The following ADK variants were observed in gnomAD, a reference collection of about 807,000 sequenced individuals.
ADK encodes adenosine kinase, also known as N6,N6-dimethyladenosine kinase.
Under a neutral mutation model 44.7 loss-of-function variants are expected in ADK, and 24 were observed. The ratio of observed to expected loss-of-function variants is 0.54; its 90% CI spans 0.39 to 0.76. ADK has a LOEUF of 0.76. Among genes scored for constraint, ADK ranks in the 30% least tolerant of loss-of-function variants. The pLI is 0.00. For synonymous variants in ADK, 128 were observed against 142.6 expected, an observed-to-expected ratio of 0.90 and a Z score of 0.73; for missense variants, 321 against 425.1, an observed-to-expected ratio of 0.76 and a Z score of 2.15.
intron 6 of ADK, among the ~76,000 whole-genome samples, chr10:74,402,208 A>G (rs938613556): frequency 1.3e-5 from 2 of 152,016 alleles, no homozygotes; most frequent in African/African-American, 4.8e-5. Context: ...GAATCTGACA[A>G]TTATGTGTCT....
chr10:74,505,832 G>A (rs1309162309), intron 6 of ADK, among the ~76,000 whole-genome samples: 2 of 152,126 alleles, frequency 1.3e-5, no homozygotes, highest in African/African-American at 2.4e-5. Context: ...CTGAATTAGA[G>A]ATATTGTGTT....
chr10:74,462,982 C>G (rs1195459667), intron 6 of ADK, among the ~76,000 whole-genome samples: 1 of 152,068 alleles, frequency 6.6e-6, no homozygotes, highest in Admixed American at 6.6e-5. Context: ...AAGCCTGTCT[C>G]CTGGAATTCC....
intron 6 of ADK, among the ~76,000 whole-genome samples, chr10:74,425,973 G>A (rs1844781377): frequency 6.6e-6 from 1 of 152,200 alleles, no homozygotes; most frequent in Admixed American, 6.5e-5. Flanking sequence ...AATATAGAAA[G>A]AAATAGAAGT....
chr10:74,561,436 A>G (rs1850453726), intron 7 of ADK, among the ~76,000 whole-genome samples: 1 of 152,218 alleles, frequency 6.6e-6, no homozygotes, highest in Non-Finnish European at 1.5e-5. Context: ...GAAGATGATG[A>G]AGAATATGAA....
chr10:74,426,400 C>T (rs1428509718), intron 6 of ADK, among the ~76,000 whole-genome samples: 1 of 152,126 alleles, frequency 6.6e-6, no homozygotes, highest in African/African-American at 2.4e-5. Flanking sequence ...TACTCTGGAA[C>T]ATACAATAGA....
chr10:74,160,712 T>C (rs983589617), intron 1 of ADK, among the ~76,000 whole-genome samples: 8 of 149,758 alleles, frequency 5.3e-5, no homozygotes, highest in Non-Finnish European at 1.2e-4. Flanking sequence ...TGTGTGTGTG[T>C]GTGTGTATGT....
intron 1 of ADK, among the ~76,000 whole-genome samples, chr10:74,170,799 CAAAAA>C (rs938297412): frequency 3.8e-5 from 2 of 52,872 alleles, no homozygotes; most frequent in Non-Finnish European, 8.1e-5. Context: ...GACTCCATCT[CAAAAA>C]AAAAAAAAAA....
chr10:74,206,077 G>A (rs1214172282), intron 2 of ADK, among the ~76,000 whole-genome samples: 1 of 152,112 alleles, frequency 6.6e-6, no homozygotes, highest in Non-Finnish European at 1.5e-5. Context: ...GAGATATTTT[G>A]TTCAGGAAGT....
chr10:74,490,533 C>T lies in ADK; in HGVS notation c.556-34723C>T, dbSNP rs188174324. Among the ~76,000 whole-genome samples, 349 of 152,160 alleles carry T rather than the reference C, an allele frequency of 2.3e-3. 3 individuals carry two copies. The highest frequency in any genetic ancestry group is 8.1e-3 in the African/African-American group (336 of 41,518). On this transcript the variant is annotated intron_variant, in intron 6 of 10. Coordinates refer to ENST00000539909, the MANE Select transcript of ADK (RefSeq NM_006721.4). ...TATGTTCTCCCAGAATAAGTTGCCA[C>T]AATTAGAACAGAGTTTAGGAGCCTA...
intron 6 of ADK, among the ~76,000 whole-genome samples, chr10:74,523,675 T>G (rs1589214767): frequency 2.0e-5 from 3 of 152,180 alleles, no homozygotes; most frequent in Admixed American, 6.5e-5. Flanking sequence ...AACTAAACAC[T>G]CTTTACCATC....
intron 6 of ADK, among the ~76,000 whole-genome samples, chr10:74,491,674 A>G (rs769668955): frequency 9.9e-5 from 15 of 152,282 alleles, no homozygotes; most frequent in Non-Finnish European, 5.9e-5. Flanking sequence ...GCAATTGACT[A>G]TATTTTGGTT....
At chr10:74,386,598 A>T (rs1843148524) in intron 4 of ADK, among the ~76,000 whole-genome samples, 1 of 152,112 alleles carries the variant, frequency 6.6e-6, no homozygotes, top group African/African-American at 2.4e-5. Context: ...GTCATCTCTT[A>T]TCATCATACT....
chr10:74,582,310 C>CAA (rs199784643), intron 7 of ADK, among the ~76,000 whole-genome samples: 4 of 145,238 alleles, frequency 2.8e-5, no homozygotes, highest in African/African-American at 7.6e-5. Context: ...GACCCAATCT[C>CAA]AAAAAAAAAA....
intron 6 of ADK, among the ~76,000 whole-genome samples, chr10:74,499,153 G>A (rs947346562): frequency 2.6e-5 from 4 of 152,152 alleles, no homozygotes; most frequent in African/African-American, 4.8e-5. Context: ...TGGGGCTCAA[G>A]CAATCCTCCT....
chr10:74,275,914 T>A (rs1435878451), intron 3 of ADK, among the ~76,000 whole-genome samples: 1 of 152,186 alleles, frequency 6.6e-6, no homozygotes, highest in Non-Finnish European at 1.5e-5. Flanking sequence ...GTACTGGGAT[T>A]ACAGGCATGA....
At chr10:74,516,267 G>A (rs1848569918) in intron 6 of ADK, among the ~76,000 whole-genome samples, 1 of 152,102 alleles carries the variant, frequency 6.6e-6, no homozygotes, top group Non-Finnish European at 1.5e-5. Context: ...CCCGTCTCCA[G>A]GCAGATCTGA....
rs139959413 is a variant in ADK, at chr10:74,249,751, G to C, written c.194+25160G>C. Among the ~76,000 whole-genome samples the C allele has an allele frequency of 2.2e-3, 340 of 152,266 alleles. 1 individual carries two copies. The highest frequency in any genetic ancestry group is 3.4e-3 in the Middle Eastern group (1 of 294). On this transcript the variant is annotated intron_variant, in intron 3 of 10. Transcript: ENST00000539909. The stretch of plus-strand genomic sequence containing the variant: ...TTTAAATAGTTGAGAAATTCAACCA[G>C]AAATGAATGAAAGGGTTTTCCCGTT...
chr10:74,518,500 C>T (rs992585950), intron 6 of ADK, among the ~76,000 whole-genome samples: 1 of 152,192 alleles, frequency 6.6e-6, no homozygotes, highest in Non-Finnish European at 1.5e-5. Context: ...ATGATCTACT[C>T]TTACTCCTGT....
At chr10:74,192,029 A>T (rs565292814) in intron 1 of ADK, among the ~76,000 whole-genome samples, 1 of 152,300 alleles carries the variant, frequency 6.6e-6, no homozygotes, top group South Asian at 2.1e-4. Flanking sequence ...GGAATCATAT[A>T]GTAGGTAACC....
Sources: gnomAD v4.1 joint callset for allele counts (sites outside exome capture counted in the v4.1 genomes callset) on GRCh38, gnomAD v4.1.1 for gene constraint, MANE v1.5 for transcripts, NCBI Gene and HGNC (gene_info 2026-07-23, HGNC 2026-07-21) for gene names.